MYRIP: variants seen among roughly 807,000 people sequenced by gnomAD.
MYRIP encodes the protein rab effector MyRIP.
In MYRIP, 49 loss-of-function variants were observed where a neutral mutation model predicts 98.0. The ratio of observed to expected loss-of-function variants is 0.50; its 90% CI spans 0.40 to 0.63. MYRIP has a LOEUF of 0.63. Among genes scored for constraint, MYRIP ranks in the 30% least tolerant of loss-of-function variants. The probability of loss-of-function intolerance (pLI) is 0.00; values close to 1 mark genes in which losing one functional copy is unlikely to be tolerated. For synonymous variants in MYRIP, 404 were observed against 409.5 expected, an observed-to-expected ratio of 0.99 and a Z score of 0.16; for missense variants, 1,004 against 1,058.2, an observed-to-expected ratio of 0.95 and a Z score of 0.71.
intron 3 of MYRIP, among the ~76,000 whole-genome samples, chr3:40,047,830 C>A (rs1457162050): frequency 6.6e-6 from 1 of 152,128 alleles, no homozygotes; most frequent in Non-Finnish European, 1.5e-5. Flanking sequence ...GGATCACATT[C>A]TTGTTTTTTG....
intron 8 of MYRIP, among the ~76,000 whole-genome samples, chr3:40,178,039 C>T (rs565790712): frequency 8.5e-5 from 13 of 152,288 alleles, no homozygotes; most frequent in African/African-American, 2.9e-4. Context: ...AAACACAAAG[C>T]AAAGCTGTGT....
At chr3:40,054,529 T>G (rs1294242312) in intron 3 of MYRIP, among the ~76,000 whole-genome samples, 9 of 152,166 alleles carry the variant, frequency 5.9e-5, no homozygotes, top group Non-Finnish European at 8.8e-5. Flanking sequence ...ATCAATAGAC[T>G]TTGAGTAAAG....
At chr3:40,079,746 T>C (rs972765398) in intron 3 of MYRIP, among the ~76,000 whole-genome samples, 3 of 152,244 alleles carry the variant, frequency 2.0e-5, no homozygotes, top group African/African-American at 7.2e-5. Flanking sequence ...GTTAGCCAAG[T>C]TCAGAAGGCT....
intron 2 of MYRIP, among the ~76,000 whole-genome samples, chr3:39,936,388 G>A (rs1944655682): frequency 6.6e-6 from 1 of 152,184 alleles, no homozygotes; most frequent in Admixed American, 6.5e-5. Context: ...CCACAGGGGA[G>A]TGATGGGGGA....
intron 1 of MYRIP, among the ~76,000 whole-genome samples, chr3:39,875,618 C>G (rs1198423726): frequency 6.6e-6 from 1 of 151,192 alleles, no homozygotes; most frequent in Non-Finnish European, 1.5e-5. Flanking sequence ...CATTCAGGAG[C>G]AGGTTGTTCA....
intron 1 of MYRIP, among the ~76,000 whole-genome samples, chr3:39,873,963 A>G (rs1187140904): frequency 6.6e-6 from 1 of 151,712 alleles, no homozygotes; most frequent in Admixed American, 6.6e-5. Flanking sequence ...GATTCTTCCT[A>G]CCCATGAGCA....
chr3:40,083,392 A>G (rs1383999597), intron 3 of MYRIP, among the ~76,000 whole-genome samples: 1 of 151,952 alleles, frequency 6.6e-6, no homozygotes, highest in Non-Finnish European at 1.5e-5. Context: ...TGGAGGGCCC[A>G]ATGTGGCTAA....
At chr3:39,891,858 A>C (rs767345796) in intron 1 of MYRIP, among the ~76,000 whole-genome samples, 30 of 152,016 alleles carry the variant, frequency 2.0e-4, no homozygotes, top group Non-Finnish European at 5.9e-5. Flanking sequence ...AGATTCTTTT[A>C]AATTTTAGGA....
rs139491384 is a variant in MYRIP at position 40,119,413 on chromosome 3, C to T, written c.333-31635C>T. Among the ~76,000 whole-genome samples the T allele has an allele frequency of 1.7e-3, 260 of 152,288 alleles. 2 individuals are homozygous for T. Among genetic ancestry groups the T allele is most frequent in the African/African-American group, 6.0e-3 (248 of 41,566 alleles). On this transcript the variant is annotated intron_variant, in intron 3 of 16. Coordinates refer to ENST00000302541, the MANE Select transcript of MYRIP (RefSeq NM_015460.4). Reference sequence around the variant, plus strand: ...AGAGAAGTATGTAATGGCATGTTGACATTTGTGCAGAAAAAGGGCAAAGGG... The same window carrying T: ...AGAGAAGTATGTAATGGCATGTTGATATTTGTGCAGAAAAAGGGCAAAGGG...
At chr3:40,149,009 T>C (rs1330451348) in intron 3 of MYRIP, among the ~76,000 whole-genome samples, 1 of 152,202 alleles carries the variant, frequency 6.6e-6, no homozygotes, top group African/African-American at 2.4e-5. Context: ...GTATGATATC[T>C]GATGGGCAGG....
At position 40,144,758 on chromosome 3, in the gene MYRIP, T is replaced by A. The variant is rs573258314; in HGVS notation, c.333-6290T>A. 8.1e-3 allele frequency among the ~76,000 whole-genome samples: 1,234 copies of A among 152,376 alleles called. 10 individuals carry two copies. The highest frequency in any genetic ancestry group is 0.041 in the Middle Eastern group (12 of 294). On this transcript the variant is annotated intron_variant, in intron 3 of 16. Coordinates refer to ENST00000302541, the MANE Select transcript of MYRIP (RefSeq NM_015460.4). Reference sequence around the variant, plus strand: ...ATTCTGAAAATAGCTTTATCAGTGTTTTTTAAATAAAAATGACAGATGCTT... The same window carrying A: ...ATTCTGAAAATAGCTTTATCAGTGTATTTTAAATAAAAATGACAGATGCTT...
intron 12 of MYRIP, among the ~76,000 whole-genome samples, chr3:40,235,810 G>A (rs945222044): frequency 1.3e-5 from 2 of 152,180 alleles, no homozygotes; most frequent in Non-Finnish European, 2.9e-5. Context: ...CCAGATGTCT[G>A]GAAAGGAGGA....
intron 3 of MYRIP, among the ~76,000 whole-genome samples, chr3:40,087,292 G>A (rs1045902358): frequency 2.0e-5 from 3 of 152,122 alleles, no homozygotes; most frequent in Admixed American, 6.5e-5. Context: ...CAGTGCTGTG[G>A]ATGAAATTCA....
At position 40,166,868 on chromosome 3, in the gene MYRIP, G is replaced by T. The variant is rs751735850; in HGVS notation, c.573G>T (p.Leu191Phe). 16 of 1,613,510 alleles carry T rather than the reference G, an allele frequency of 9.9e-6. No individual in the cohort carries two copies. The highest frequency in any genetic ancestry group is 1.4e-5 in the Non-Finnish European group (16 of 1,179,460). Residue 191 changes from leucine (L) to phenylalanine (F), a missense_variant, in exon 6 of 17, where the codon TTG becomes TTT. This residue lies in a region of MYRIP where 880 missense variants were observed against 907.7 expected (regional missense o/e 0.97). Coordinates refer to ENST00000302541, the MANE Select transcript of MYRIP (RefSeq NM_015460.4). ...QSEGHSVMDT[L>F]AVALRVAEEA... ...TAGGACATAGTGTGATGGACACCTT[G>T]GCTGTGGCCCTACGGGTGGCTGAAG...
rs916381550 is a variant in MYRIP at position 39,878,857 on chromosome 3, C to T, written c.-30-21930C>T. ...GGATCATGAGGTGAAGAGATAGAGA[C>T]CATTCTGGCCAACATGGTGAAACCT... On this transcript the variant is annotated intron_variant, in intron 1 of 16. Transcript: ENST00000302541. Among the ~76,000 whole-genome samples, 9 of 150,022 alleles carry T rather than the reference C, an allele frequency of 6.0e-5. No homozygotes were observed. The South Asian group carries it at 1.9e-3, about 32-fold the overall frequency.
intron 3 of MYRIP, among the ~76,000 whole-genome samples, chr3:40,109,122 CT>C (rs978871226): frequency 2.2e-4 from 34 of 152,152 alleles, no homozygotes; most frequent in African/African-American, 7.2e-4. Flanking sequence ...CACTCTGCCT[CT>C]TTTTTTTATT....
intron 2 of MYRIP, among the ~76,000 whole-genome samples, chr3:39,949,096 G>A (rs1944956516): frequency 6.6e-6 from 1 of 152,262 alleles, no homozygotes; most frequent in African/African-American, 2.4e-5. Context: ...TACAAAAGAT[G>A]CCTTCATTGA....
At chr3:39,960,983 G>A (rs1050922991) in intron 2 of MYRIP, among the ~76,000 whole-genome samples, 4 of 152,088 alleles carry the variant, frequency 2.6e-5, no homozygotes, top group Non-Finnish European at 5.9e-5. Flanking sequence ...ATGTCATGCC[G>A]AATGGAATGG....
intron 2 of MYRIP, among the ~76,000 whole-genome samples, chr3:40,029,143 G>A (rs1202449505): frequency 6.6e-6 from 1 of 152,094 alleles, no homozygotes; most frequent in Admixed American, 6.6e-5. Flanking sequence ...CAGTCAATTT[G>A]AGGCTGTTGT....
Sources: allele counts gnomAD v4.1 joint callset (sites outside exome capture counted in the v4.1 genomes callset), GRCh38; gene constraint gnomAD v4.1.1; regional missense constraint gnomAD v4.1.1; transcripts MANE v1.5; gene names NCBI Gene and HGNC (gene_info 2026-07-23, HGNC 2026-07-21).